The following CACNB2 variants were observed in gnomAD, a reference collection of about 807,000 sequenced individuals.
The protein encoded by CACNB2 is voltage-dependent L-type calcium channel subunit beta-2.
CACNB2 carries 42 observed loss-of-function variants against 73.3 expected under a neutral mutation model. The ratio of observed to expected loss-of-function variants is 0.57; its 90% CI spans 0.45 to 0.74. The LOEUF (loss-of-function observed/expected upper bound fraction) is 0.74, where lower values mean the gene tolerates loss of function less well. CACNB2 is among the 30% of genes least tolerant of loss of function. CACNB2 has a pLI of 0.00. For synonymous variants in CACNB2, 348 were observed against 310.3 expected (o/e 1.12, Z -1.28); for missense variants, 940 against 853.0 (o/e 1.10, Z -1.27).
chr10:18,478,951 G>T (rs573865094), intron 3 of CACNB2, among the ~76,000 whole-genome samples: 1 of 152,062 alleles, frequency 6.6e-6, no homozygotes, highest in Admixed American at 6.6e-5. Context: ...CAACTACTCA[G>T]GAGGCTGAGT....
At chr10:18,214,916 T>G (rs1345380543) in intron 2 of CACNB2, among the ~76,000 whole-genome samples, 1 of 152,224 alleles carries the variant, frequency 6.6e-6, no homozygotes, top group Non-Finnish European at 1.5e-5. Context: ...AGGGATTTTT[T>G]GCCCAGTTTG....
intron 3 of CACNB2, among the ~76,000 whole-genome samples, chr10:18,424,356 G>A (rs2045485633): frequency 6.6e-6 from 1 of 152,252 alleles, no homozygotes; most frequent in Admixed American, 6.5e-5. Context: ...TCAATTGCAT[G>A]CAGATTAAGG....
chr10:18,294,304 CTG>C (rs2039187686), intron 2 of CACNB2, among the ~76,000 whole-genome samples: 1 of 152,206 alleles, frequency 6.6e-6, no homozygotes, highest in South Asian at 2.1e-4. Context: ...GTGTAGCTCT[CTG>C]TGCAATGGAA....
At chr10:18,225,574 C>T (rs1179969246) in intron 2 of CACNB2, among the ~76,000 whole-genome samples, 2 of 61,888 alleles carry the variant, frequency 3.2e-5, no homozygotes, top group African/African-American at 1.1e-4. Flanking sequence ...CCCTCCCTCC[C>T]TCGCTCCTTC....
At position 18,539,494 on chromosome 10, in the gene CACNB2, C is replaced by G. The variant is rs772557073; in HGVS notation, c.1753C>G (p.His585Asp). The G allele has an allele frequency of 3.1e-6, 5 of 1,613,890 alleles. No individual in the cohort carries two copies. Among genetic ancestry groups the G allele is most frequent in the Middle Eastern group, 1.6e-4 (1 of 6,084 alleles). Residue 585 changes from histidine (H) to aspartate (D), a missense_variant, in exon 14 of 14, where the codon CAC becomes GAC. Transcript: ENST00000324631. ...SHDHVDHYAS[H>D]RDHNHRDETH... ...TGACCACGTGGACCACTATGCCTCA[C>G]ACCGTGACCACAACCACAGAGACGA... is the stretch of plus-strand genomic sequence containing the variant.
chr10:18,501,574 G>A (rs12257556), intron 5 of CACNB2, among the ~76,000 whole-genome samples: 90,417 of 152,082 alleles, frequency 0.59, 27,694 homozygotes, highest in East Asian at 0.95. Flanking sequence ...CACTAGAAAG[G>A]CTTCTCGTAG....
At chr10:18,397,998 C>T (rs1420725531) in intron 2 of CACNB2, among the ~76,000 whole-genome samples, 3 of 152,124 alleles carry the variant, frequency 2.0e-5, no homozygotes, top group Admixed American at 6.5e-5. Context: ...CTGCAAAAGA[C>T]CAGCTAATCA....
At chr10:18,427,711 G>A (rs2045677132) in intron 3 of CACNB2, among the ~76,000 whole-genome samples, 1 of 151,986 alleles carries the variant, frequency 6.6e-6, no homozygotes, top group African/African-American at 2.4e-5. Context: ...GGGCATTATA[G>A]CTTCCTAGTT....
At chr10:18,235,178 C>T (rs529440788) in intron 2 of CACNB2, among the ~76,000 whole-genome samples, 91 of 148,368 alleles carry the variant, frequency 6.1e-4, no homozygotes, top group African/African-American at 1.7e-3. Flanking sequence ...AGGAGCTGGG[C>T]GCAGTGGCTT....
chr10:18,307,732 T>A (rs1038108610), intron 2 of CACNB2, among the ~76,000 whole-genome samples: 18 of 152,168 alleles, frequency 1.2e-4, no homozygotes, highest in African/African-American at 3.6e-4. Context: ...GGTCACTGAA[T>A]AAAATAAATA....
intron 2 of CACNB2, among the ~76,000 whole-genome samples, chr10:18,155,698 T>C (rs886722238): frequency 6.6e-6 from 1 of 152,190 alleles, no homozygotes; most frequent in African/African-American, 2.4e-5. Context: ...TCAGTTGTCT[T>C]ACATCTTTGC....
intron 3 of CACNB2, among the ~76,000 whole-genome samples, chr10:18,435,883 A>G (rs2046111780): frequency 1.3e-5 from 1 of 77,676 alleles, no homozygotes; most frequent in South Asian, 3.4e-4. Flanking sequence ...ATCACTCATC[A>G]AAATTATTGA....
intron 2 of CACNB2, among the ~76,000 whole-genome samples, chr10:18,400,134 GTCC>G (rs1372097268): frequency 2.0e-5 from 3 of 152,160 alleles, no homozygotes; most frequent in African/African-American, 7.2e-5. Flanking sequence ...TTACTTTCGT[GTCC>G]TAATTAAATG....
At chr10:18,404,073 C>T (rs927933786) in intron 3 of CACNB2, among the ~76,000 whole-genome samples, 1 of 152,090 alleles carries the variant, frequency 6.6e-6, no homozygotes, top group African/African-American at 2.4e-5. Flanking sequence ...ATGCCTGTAT[C>T]AAACCATCCC....
chr10:18,522,985 A>C (rs538133129), intron 9 of CACNB2, among the ~76,000 whole-genome samples: 1 of 152,098 alleles, frequency 6.6e-6, no homozygotes, highest in East Asian at 1.9e-4. Context: ...AAGGTATGAA[A>C]AGACTTTATA....
At chr10:18,410,229 CTA>C (rs1248606096) in intron 3 of CACNB2, among the ~76,000 whole-genome samples, 1 of 152,136 alleles carries the variant, frequency 6.6e-6, no homozygotes, top group Non-Finnish European at 1.5e-5. Context: ...GTTCTATATT[CTA>C]TGTTTCCACA....
intron 3 of CACNB2, among the ~76,000 whole-genome samples, chr10:18,476,569 G>A (rs1195049789): frequency 6.6e-6 from 1 of 152,166 alleles, no homozygotes; most frequent in Non-Finnish European, 1.5e-5. Context: ...GCGATGTTAT[G>A]AAGTTGCACC....
intron 5 of CACNB2, 28 bp downstream of exon 5, chr10:18,500,976 T>C (rs1447011229): frequency 1.2e-6 from 2 of 1,608,398 alleles, no homozygotes; most frequent in African/African-American, 2.7e-5. Flanking sequence ...AGTGTTTGCA[T>C]AAAACTTAGA....
intron 2 of CACNB2, among the ~76,000 whole-genome samples, chr10:18,310,663 C>G (rs1261429075): frequency 2.3e-5 from 3 of 132,266 alleles, no homozygotes; most frequent in African/African-American, 5.8e-5. Context: ...AGAAAAGAAA[C>G]CCACCCACTG....
Sources: gnomAD v4.1 joint callset for allele counts (sites outside exome capture counted in the v4.1 genomes callset) on GRCh38, gnomAD v4.1.1 for gene constraint, MANE v1.5 for transcripts, NCBI Gene and HGNC (gene_info 2026-07-23, HGNC 2026-07-21) for gene names.